The following PRRC2C variants were observed in gnomAD, a reference collection of about 807,000 sequenced individuals.
PRRC2C encodes protein PRRC2C.
PRRC2C carries 72 observed loss-of-function variants against 317.2 expected under a neutral mutation model. The observed-to-expected ratio is 0.23, with a 90% CI of 0.19 to 0.28. The LOEUF (loss-of-function observed/expected upper bound fraction) is 0.28, where lower values mean the gene tolerates loss of function less well. Ranked by LOEUF, PRRC2C falls within the 10% of genes least tolerant of loss-of-function variation. The pLI is 1.00. For synonymous variants in PRRC2C, 1,296 were observed against 1,205.9 expected, an observed-to-expected ratio of 1.07 and a Z score of -1.55; for missense variants, 3,074 against 3,459.7, an observed-to-expected ratio of 0.89 and a Z score of 2.80.
chr1:171,512,740 T>C (rs1178721861), intron 2 of PRRC2C: 1 of 340,398 alleles, frequency 2.9e-6, no homozygotes, highest in Non-Finnish European at 5.3e-6. Flanking sequence ...ATCAGTATTA[T>C]CAATGTTTTC....
chr1:171,571,418 C>T lies in PRRC2C; in HGVS notation c.6750C>T (p.Phe2250=), dbSNP rs1285665748. Residue 2250 remains phenylalanine, a synonymous_variant, in exon 24 of 35, where the codon TTC becomes TTT. Coordinates refer to ENST00000647382, the MANE Select transcript of PRRC2C (RefSeq NM_001387844.1). The stretch of plus-strand genomic sequence containing the variant: ...CTCCCACTACTTTCAGCCTCACCTT[C>T]AAGGTATGTACAACATCCATCTCTA... ...SVPPTTFSLT[F]KMESARKAWE... is the part of the protein sequence containing the mutation. 3 of 1,585,258 alleles carry T rather than the reference C, an allele frequency of 1.9e-6. No homozygotes were observed. In the East Asian group the frequency reaches 6.7e-5, roughly 35 times the overall value.
chr1:171,509,534 T>C (rs1233796129), intron 1 of PRRC2C: 1 of 152,166 alleles, frequency 6.6e-6, no homozygotes, highest in Non-Finnish European at 1.5e-5. Flanking sequence ...TCAAACTACT[T>C]TCAGTTAGAA....
chr1:171,568,496 G>A (rs531500049), intron 23 of PRRC2C, among the ~76,000 whole-genome samples, 157 bp downstream of exon 23: 5 of 152,146 alleles, frequency 3.3e-5, no homozygotes, highest in African/African-American at 1.2e-4. Flanking sequence ...AATATAATTA[G>A]CAAAAATAGT....
chr1:171,524,986 T>A (rs1033353501), intron 10 of PRRC2C, 21 bp downstream of exon 10: 7 of 1,552,500 alleles, frequency 4.5e-6, no homozygotes, highest in Admixed American at 2.0e-5. Flanking sequence ...CTCATGGAGA[T>A]CCTTGTTATT....
intron 1 of PRRC2C, among the ~76,000 whole-genome samples, chr1:171,501,581 T>C (rs963716647): frequency 6.6e-6 from 1 of 152,232 alleles, no homozygotes; most frequent in Admixed American, 6.5e-5. Context: ...GAAGGTTTTG[T>C]TTTTACAGGC....
At chr1:171,548,204 T>C (rs1450407505) in intron 17 of PRRC2C, among the ~76,000 whole-genome samples, 1 of 148,534 alleles carries the variant, frequency 6.7e-6, no homozygotes, top group Admixed American at 6.7e-5. Flanking sequence ...CCTGACCTCA[T>C]GTTATCCGCC....
chr1:171,542,123 C>G lies in PRRC2C; in HGVS notation c.4657C>G (p.Arg1553Gly), dbSNP rs1231239805. ...RSFSSQRPVD[R>G]QNRRGNNGPP... ...TTTTTCTAGTCAGAGACCAGTAGAT[C>G]GTCAGAATCGACGTGGCAACAATGG... The change falls in exon 16 of 35, where the codon CGT becomes GGT. Residue 1553 changes from arginine to glycine, a missense_variant. Physicochemically the swap from Arg to Gly is moderately radical, Grantham distance 125 (BLOSUM62 -2). Transcript: ENST00000647382. 6.2e-7 allele frequency: 1 copy of G among 1,613,186 alleles called. No homozygotes were observed. Among genetic ancestry groups the G allele is most frequent in the Non-Finnish European group, 8.5e-7 (1 of 1,179,590 alleles).
chr1:171,526,627 C>G (rs544637387), intron 10 of PRRC2C, among the ~76,000 whole-genome samples: 12 of 152,038 alleles, frequency 7.9e-5, no homozygotes, highest in Non-Finnish European at 1.6e-4. Context: ...CGTGAGGCAC[C>G]ACGCCTGGCT....
intron 1 of PRRC2C, among the ~76,000 whole-genome samples, chr1:171,498,755 C>T: frequency 6.6e-6 from 1 of 152,228 alleles, no homozygotes; most frequent in East Asian, 1.9e-4. Flanking sequence ...AGAATCGTAA[C>T]TGCACAAACT....
At chr1:171,543,781 T>G (rs917126188) in intron 16 of PRRC2C, among the ~76,000 whole-genome samples, 1 of 152,160 alleles carries the variant, frequency 6.6e-6, no homozygotes, top group Non-Finnish European at 1.5e-5. Context: ...AGAAAAGAAA[T>G]GTATTTCTTG....
intron 25 of PRRC2C, 110 bp from the exon 26 acceptor site, chr1:171,577,324 T>C: frequency 1.1e-6 from 1 of 914,040 alleles, no homozygotes; most frequent in African/African-American, 1.7e-5. Flanking sequence ...AGTATATAAG[T>C]ACGTGATGGG....
intron 1 of PRRC2C, among the ~76,000 whole-genome samples, chr1:171,493,440 A>G (rs141617457): frequency 2.0e-5 from 3 of 152,322 alleles, no homozygotes; most frequent in African/African-American, 7.2e-5. Context: ...CAGGGTTGCA[A>G]AGTGATGGCA....
chr1:171,579,178 GA>G (rs1647933283), intron 26 of PRRC2C, among the ~76,000 whole-genome samples, 175 bp from the exon 27 acceptor site: 1 of 152,088 alleles, frequency 6.6e-6, no homozygotes, highest in African/African-American at 2.4e-5. Flanking sequence ...CTGTCTACTA[GA>G]AGTTTTCCAT....
chr1:171,544,035 A>G (rs1284185331), intron 16 of PRRC2C, among the ~76,000 whole-genome samples: 1 of 152,182 alleles, frequency 6.6e-6, no homozygotes, highest in Non-Finnish European at 1.5e-5. Flanking sequence ...AGCCCTCATG[A>G]CATAATCACC....
intron 19 of PRRC2C, among the ~76,000 whole-genome samples, chr1:171,560,503 G>A (rs1159697197): frequency 2.0e-5 from 3 of 152,204 alleles, no homozygotes; most frequent in African/African-American, 7.2e-5. Flanking sequence ...AGACTTCATT[G>A]TTGTCTTATT....
In PRRC2C at chr1:171,541,799, A is replaced by G; in HGVS notation, c.4333A>G (p.Arg1445Gly). 6.2e-7 allele frequency: 1 copy of G among 1,613,950 alleles called. No homozygotes were observed. Among genetic ancestry groups the G allele is most frequent in the East Asian group, 2.2e-5 (1 of 44,892 alleles). Residue 1445 changes from arginine (R) to glycine (G), a missense_variant, in exon 16 of 35, where the codon AGG (arginine) becomes GGG (glycine). Arg to Gly is a moderately radical substitution (Grantham distance 125). Around this residue, in one of 11 missense-constraint regions of PRRC2C, gnomAD observed 1,320 missense variants for 1,395.7 expected, o/e 0.95. Coordinates refer to ENST00000647382, the MANE Select transcript of PRRC2C (RefSeq NM_001387844.1). The surrounding 1 kb of genome is among the most constrained non-coding windows in gnomAD (Gnocchi z 4.1). ...ACCTCGATTTAGACGGCTAAGAGAG[A>G]GGGAGGCTGCTTCAAAATCAAATGA... ...KPPRFRRLRE[R>G]EAASKSNEVV...
chr1:171,503,224 CATATAA>C (rs1669479242), intron 1 of PRRC2C, among the ~76,000 whole-genome samples: 1 of 152,056 alleles, frequency 6.6e-6, no homozygotes, highest in African/African-American at 2.4e-5. Context: ...AGTGAATGTT[CATATAA>C]ATGTGTTTGT....
chr1:171,510,531 T>G (rs563051802), intron 1 of PRRC2C: 1 of 152,348 alleles, frequency 6.6e-6, no homozygotes, highest in East Asian at 1.9e-4. Flanking sequence ...TACATGTTAC[T>G]GGTAAATTTG....
chr1:171,514,065 G>A (rs1671866587), intron 3 of PRRC2C, among the ~76,000 whole-genome samples: 1 of 152,216 alleles, frequency 6.6e-6, no homozygotes, highest in South Asian at 2.1e-4. Context: ...GCAGGTTGCT[G>A]TTACCTCTTT....
Sources: gnomAD v4.1 joint callset for allele counts (sites outside exome capture counted in the v4.1 genomes callset) on GRCh38, gnomAD v4.1.1 for gene constraint, gnomAD v4.1.1 regional missense constraint, Gnocchi (gnomAD v3.1) non-coding constraint, MANE v1.5 for transcripts, NCBI Gene and HGNC (gene_info 2026-07-23, HGNC 2026-07-21) for gene names.